ABR: variants seen among roughly 807,000 people sequenced by gnomAD.
The protein encoded by ABR is active breakpoint cluster region-related protein.
In ABR, 35 loss-of-function variants were observed where a neutral mutation model predicts 107.2. The observed-to-expected ratio is 0.33, with a 90% CI of 0.25 to 0.43. ABR has a LOEUF of 0.43. Among genes scored for constraint, ABR ranks in the 20% least tolerant of loss-of-function variants. ABR has a pLI of 1.00. For synonymous variants in ABR, 498 were observed against 462.0 expected, an observed-to-expected ratio of 1.08 and a Z score of -1.00; for missense variants, 815 against 1,115.2, an observed-to-expected ratio of 0.73 and a Z score of 3.83.
At chr17:1,114,456 C>A (rs1296873025) in intron 2 of ABR, among the ~76,000 whole-genome samples, 2 of 123,100 alleles carry the variant, frequency 1.6e-5, no homozygotes, top group Admixed American at 9.4e-5. Context: ...GGCGACAGAG[C>A]AAGACTCTGT....
At chr17:1,195,090 G>A (rs1198170868) in intron 1 of ABR, among the ~76,000 whole-genome samples, 14 of 144,264 alleles carry the variant, frequency 9.7e-5, no homozygotes, top group Admixed American at 6.3e-4. Flanking sequence ...GGCGGATCAC[G>A]AGGTCAGGAG....
intron 1 of ABR, among the ~76,000 whole-genome samples, chr17:1,172,113 A>G (rs9916523): frequency 0.02 from 2,985 of 152,328 alleles, 93 homozygotes; most frequent in African/African-American, 0.058. Context: ...GGAGGAGGAC[A>G]CAGGATAAAG....
At chr17:1,112,354 T>G (rs897542840) in intron 2 of ABR, among the ~76,000 whole-genome samples, 2 of 152,204 alleles carry the variant, frequency 1.3e-5, no homozygotes, top group African/African-American at 2.4e-5. Flanking sequence ...AGTGAAAGCT[T>G]CACAGGACAG....
chr17:1,161,990 C>T (rs200894509), intron 1 of ABR, among the ~76,000 whole-genome samples: 35 of 152,288 alleles, frequency 2.3e-4, no homozygotes, highest in South Asian at 1.2e-3. Flanking sequence ...CATTTCACTG[C>T]GGAGGCTCAT....
At chr17:1,229,448 G>C (rs1280174469) in exon 1 of ABR, among the ~76,000 whole-genome samples, 2 of 151,432 alleles carry the variant, frequency 1.3e-5, no homozygotes, top group Non-Finnish European at 3.0e-5. Flanking sequence ...GGGCCAGCGC[G>C]GCCTGCGGGA....
intron 1 of ABR, among the ~76,000 whole-genome samples, chr17:1,218,341 A>G (rs2043052927): frequency 1.3e-5 from 2 of 152,244 alleles, no homozygotes; most frequent in Admixed American, 6.5e-5. Context: ...CTTACTTGGT[A>G]CGTAGTCCCA....
rs754712200 is a variant in ABR, at chr17:1,011,956, A to G, written c.1991T>C (p.Val664Ala). 6.2e-7 allele frequency: 1 copy of G among 1,613,696 alleles called. No homozygotes were observed. Among genetic ancestry groups the G allele is most frequent in the South Asian group, 1.1e-5 (1 of 91,062 alleles). ...CTCCACCTCCTCCACACACTGCCGG[A>G]CGATGTAGGGCACCTTGGAGCGCTC... is the stretch of plus-strand genomic sequence containing the variant. ...KRERSKVPYI[V>A]RQCVEEVEKR... The change falls in exon 19 of 23, where the codon GTC (valine) becomes GCC (alanine). Residue 664 changes from valine to alanine, a missense_variant. Physicochemically the swap from Val to Ala is moderately conservative, Grantham distance 64. This residue lies in a region of ABR where 175 missense variants were observed against 284.3 expected (regional missense o/e 0.62). Transcript: ENST00000302538. This position sits in a 1 kb window ranked among gnomAD's most constrained non-coding sequence, Gnocchi z 4.8.
intron 16 of ABR, among the ~76,000 whole-genome samples, chr17:1,029,150 C>T (rs184005411): frequency 2.0e-5 from 3 of 151,590 alleles, no homozygotes; most frequent in Admixed American, 2.0e-4. Context: ...AGTAGAAACG[C>T]GAAGTTCAAT....
chr17:1,149,965 G>A (rs1355475529), intron 1 of ABR, among the ~76,000 whole-genome samples: 7 of 152,196 alleles, frequency 4.6e-5, no homozygotes, highest in Admixed American at 3.9e-4. Flanking sequence ...ACAGTTGAAT[G>A]AGTTAGTCCA....
intron 16 of ABR, among the ~76,000 whole-genome samples, chr17:1,032,435 C>T (rs1364721572): frequency 6.6e-6 from 1 of 152,158 alleles, no homozygotes; most frequent in East Asian, 1.9e-4. Context: ...AGCAAAAGCC[C>T]GAAACGACGC....
chr17:1,199,925 CTT>C (rs11442804), intron 1 of ABR, among the ~76,000 whole-genome samples: 17 of 147,090 alleles, frequency 1.2e-4, no homozygotes, highest in Non-Finnish European at 1.8e-4. Flanking sequence ...GCTCTTTTTT[CTT>C]TTTTTTTTTA....
rs1432722477 is a variant in ABR at position 1,032,602 on chromosome 17, CCGCGTCCGTGCTGGG to C, written c.1791+17433_1791+17447del. 1.5e-3 allele frequency among the ~76,000 whole-genome samples: 191 copies of C among 129,608 alleles called. 4 individuals carry two copies. Among genetic ancestry groups the C allele is most frequent in the African/African-American group, 6.5e-3 (178 of 27,402 alleles). The allele number at this position is 129,608 out of a possible 152,430, so 85.0% of individuals were successfully genotyped here. On this transcript the variant is annotated intron_variant, in intron 16 of 22. Coordinates refer to ENST00000302538, the MANE Select transcript of ABR (RefSeq NM_021962.5). ...CGCAGAGGACGCCACGGGCAACCAC[CCGCGTCCGTGCTGGG>C]CGCAGAGGACGCCACGGGCAACCAC...
chr17:1,114,336 G>GGT lies in ABR; in HGVS notation c.246+10846_246+10847insAC, dbSNP rs1182823281. Among the ~76,000 whole-genome samples the GGT allele has an allele frequency of 4.6e-5, 7 of 152,032 alleles. No homozygotes were observed. The East Asian group carries it at 1.2e-3, about 25-fold the overall frequency. Reference sequence around the variant, plus strand: ...AATACAAAAATTAACCAGGAGGGGTGGCACAGGCCTGTAATCCCAGCTACT... The same window carrying GGT: ...AATACAAAAATTAACCAGGAGGGGTGGTGCACAGGCCTGTAATCCCAGCTACT... On this transcript the variant is annotated intron_variant, in intron 2 of 22. Coordinates refer to ENST00000302538, the MANE Select transcript of ABR (RefSeq NM_021962.5).
At chr17:1,160,927 C>G (rs567709190) in intron 1 of ABR, among the ~76,000 whole-genome samples, 2 of 152,242 alleles carry the variant, frequency 1.3e-5, no homozygotes, top group African/African-American at 4.8e-5. Context: ...GTCACTCCAT[C>G]GAGCCTTGCT....
intron 14 of ABR, among the ~76,000 whole-genome samples, chr17:1,053,250 C>T (rs1196500402): frequency 3.2e-5 from 1 of 31,012 alleles, no homozygotes; most frequent in Non-Finnish European, 6.2e-5. Context: ...GGGAGGGTTC[C>T]GGAAGGGGCT....
intron 16 of ABR, chr17:1,039,551 C>T (rs904506159): frequency 2.0e-5 from 3 of 152,598 alleles, no homozygotes; most frequent in African/African-American, 4.8e-5. Flanking sequence ...TGAAGAGGGA[C>T]AGCAGGTGGG....
At chr17:1,012,966 G>T in intron 17 of ABR, 139 bp downstream of exon 17, 1 of 1,138,948 alleles carries the variant, frequency 8.8e-7, no homozygotes, top group Non-Finnish European at 1.3e-6. Flanking sequence ...GTGGGCAGGA[G>T]GGGAGAGGGG....
At chr17:1,223,304 A>ACACACACACACACACACAC (rs71372591) in intron 1 of ABR, among the ~76,000 whole-genome samples, 1 of 149,158 alleles carries the variant, frequency 6.7e-6, no homozygotes, top group African/African-American at 2.5e-5. Context: ...AATCAGTAAC[A>ACACACACACACACACACAC]ACACACACAC....
chr17:1,222,419 C>G (rs1044836571), intron 1 of ABR, among the ~76,000 whole-genome samples: 1 of 152,106 alleles, frequency 6.6e-6, no homozygotes, highest in African/African-American at 2.4e-5. Context: ...AAAAATTACT[C>G]TATCACAGCT....
Sources: allele counts gnomAD v4.1 joint callset (sites outside exome capture counted in the v4.1 genomes callset), GRCh38; gene constraint gnomAD v4.1.1; regional missense constraint gnomAD v4.1.1; non-coding constraint Gnocchi (gnomAD v3.1); transcripts MANE v1.5; gene names NCBI Gene and HGNC (gene_info 2026-07-23, HGNC 2026-07-21).